TOR1AIP2: variants seen among roughly 807,000 people sequenced by gnomAD.
TOR1AIP2 encodes torsin 1A interacting protein 2, also known as torsin-1A-interacting protein 2.
In TOR1AIP2, 20 loss-of-function variants were observed where a neutral mutation model predicts 32.6. The ratio of observed to expected loss-of-function variants is 0.61; its 90% CI spans 0.43 to 0.89. The LOEUF (loss-of-function observed/expected upper bound fraction) is 0.89, where lower values mean the gene tolerates loss of function less well. Ranked by LOEUF, TOR1AIP2 falls within the 40% of genes least tolerant of loss-of-function variation. TOR1AIP2 has a pLI of 0.00. For synonymous variants in TOR1AIP2, 214 were observed against 210.8 expected (o/e 1.02, Z -0.13); for missense variants, 456 against 553.8 (o/e 0.82, Z 1.77).
Position 179,850,125 on chromosome 1 carries a change from T to TTCTA in TOR1AIP2, c.553+719_553+720insTAGA, listed in dbSNP as rs1558010827. On this transcript the variant is annotated intron_variant, in intron 5 of 6. Transcript: ENST00000609928. ...TCACAGAAGGTGAAAGTTAGAAGAA[T>TTCTA]GTTTGGATATCATCTTGTCCAACTT... is the stretch of plus-strand genomic sequence containing the variant. Among the ~76,000 whole-genome samples, 224 of 152,318 alleles carry TTCTA rather than the reference T, an allele frequency of 1.5e-3. 1 individual carries two copies. Among genetic ancestry groups the TTCTA allele is most frequent in the African/African-American group, 5.3e-3 (220 of 41,560 alleles).
In TOR1AIP2 at chr1:179,852,715, G is replaced by A. The variant is rs1237867927; in HGVS notation, c.-50C>T. 2 of 1,612,920 alleles carry A rather than the reference G, an allele frequency of 1.2e-6. No individual in the cohort carries two copies. Among genetic ancestry groups the A allele is most frequent in the African/African-American group, 2.7e-5 (2 of 74,944 alleles). ...TGGGAGGATACTTTTTTTAGTACTT[G>A]GTTTTCCTTGTGAAGATGTCTTGTT... is the stretch of plus-strand genomic sequence containing the variant. On this transcript the variant is annotated 5_prime_UTR_variant, in exon 4 of 7. Coordinates refer to ENST00000609928, the MANE Select transcript of TOR1AIP2 (RefSeq NM_001199260.2).
At chr1:179,859,492 T>C (rs1696429836) in intron 3 of TOR1AIP2, 1 of 985,444 alleles carries the variant, frequency 1.0e-6, no homozygotes, top group Non-Finnish European at 1.2e-6. Context: ...ACATCTAGGT[T>C]TGAATTGTGA....
At chr1:179,859,519 C>T (rs1009737135) in intron 3 of TOR1AIP2, 32 of 985,272 alleles carry the variant, frequency 3.2e-5, no homozygotes, top group Middle Eastern at 1.0e-3. Flanking sequence ...TACATATGAC[C>T]TGAGTGAATT....
chr1:179,868,776 T>C (rs1220902801), intron 2 of TOR1AIP2: 5 of 152,054 alleles, frequency 3.3e-5, no homozygotes, highest in African/African-American at 9.7e-5. Context: ...AATAAACACA[T>C]GCACACATTC....
At chr1:179,869,301 A>G (rs75574508) in intron 2 of TOR1AIP2, 1 of 151,752 alleles carries the variant, frequency 6.6e-6, no homozygotes, top group African/African-American at 2.4e-5. Context: ...AAAAAAAAAA[A>G]GAAGTATTAA....
At chr1:179,847,393 T>C (rs1285435377) in intron 6 of TOR1AIP2, 142 bp downstream of exon 6, 20 of 686,876 alleles carry the variant, frequency 2.9e-5, no homozygotes, top group Non-Finnish European at 4.9e-5. Flanking sequence ...TGTACTATTT[T>C]ACTATGTCTC....
chr1:179,840,833 T>C lies in TOR1AIP2; in HGVS notation c.*5238A>G, dbSNP rs1254570078. On this transcript the variant is annotated 3_prime_UTR_variant, in exon 7 of 7. Transcript: ENST00000609928. ...GGGTGCAGCAAACCACCATGGCACG[T>C]GTATACCTATGTTAACAAACCTGCA... The C allele has an allele frequency of 6.6e-6, 1 of 151,616 alleles. No individual in the cohort carries two copies. Among genetic ancestry groups the C allele is most frequent in the Non-Finnish European group, 1.5e-5 (1 of 67,972 alleles). 9.4% of individuals were successfully genotyped at this position (151,616 alleles called of 1,614,324 possible).
intron 2 of TOR1AIP2, chr1:179,869,203 G>A (rs1286287850): frequency 2.0e-5 from 3 of 148,226 alleles, no homozygotes; most frequent in Non-Finnish European, 3.0e-5. Context: ...CTCGAACTCC[G>A]AACCTCAGGT....
rs1042434419 is a variant in TOR1AIP2 at position 179,853,946 on chromosome 1, G to A, written c.-146-1135C>T. Among the ~76,000 whole-genome samples, 13 of 152,046 alleles carry A rather than the reference G, an allele frequency of 8.6e-5. 1 individual carries two copies. ...TTATCTTCTTCAAGCTCCTGGGATTGGGCTTTCAAGCCATCATATGTTGGA... is the reference window on the plus strand; with the variant it reads ...TTATCTTCTTCAAGCTCCTGGGATTAGGCTTTCAAGCCATCATATGTTGGA... On this transcript the variant is annotated intron_variant, in intron 3 of 6. Transcript: ENST00000609928.
intron 3 of TOR1AIP2, chr1:179,864,222 A>C (rs574942929): frequency 1.5e-4 from 152 of 985,500 alleles, no homozygotes; most frequent in Non-Finnish European, 1.7e-4. Flanking sequence ...AGGATGGGCC[A>C]AACAGGGCCA....
Position 179,844,150 on chromosome 1 carries a change from A to AAT in TOR1AIP2, c.*1919_*1920dup, listed in dbSNP as rs1455682994. 1 of 152,182 alleles carries AAT rather than the reference A, an allele frequency of 6.6e-6. No homozygotes were observed. The highest frequency in any genetic ancestry group is 1.5e-5 in the Non-Finnish European group (1 of 68,034). 9.4% of individuals were successfully genotyped at this position (152,182 alleles called of 1,614,324 possible). On this transcript the variant is annotated 3_prime_UTR_variant, in exon 7 of 7. Transcript: ENST00000609928. ...ATCTAAGATCTAAAAAGACAGAAAA[A>AAT]ATGTGCATATGGGATACAGATTTTC...
At chr1:179,867,915 CA>C (rs1696851754) in intron 2 of TOR1AIP2, 1 of 152,236 alleles carries the variant, frequency 6.6e-6, no homozygotes, top group African/African-American at 2.4e-5. Flanking sequence ...CAAGAGCCAC[CA>C]GGGGGCCCCA....
chr1:179,852,496 T>TA, intron 4 of TOR1AIP2, 136 bp downstream of exon 4: 1 of 804,396 alleles, frequency 1.2e-6, no homozygotes, highest in Non-Finnish European at 2.1e-6. Context: ...AGAATAAGTA[T>TA]AATCAAAACA....
At chr1:179,863,723 AAAG>A (rs1696651420) in intron 3 of TOR1AIP2, 2 of 985,040 alleles carry the variant, frequency 2.0e-6, no homozygotes, top group Non-Finnish European at 2.4e-6. Context: ...GGAAGGACAC[AAAG>A]AAGCTGGGAC....
intron 2 of TOR1AIP2, among the ~76,000 whole-genome samples, chr1:179,866,690 C>A (rs967271581): frequency 6.6e-6 from 1 of 152,198 alleles, no homozygotes; most frequent in Non-Finnish European, 1.5e-5. Context: ...CAGGAGTGAG[C>A]CACCGTGCCC....
At chr1:179,847,414 A>G (rs1695951199) in intron 6 of TOR1AIP2, 121 bp downstream of exon 6, 1 of 733,688 alleles carries the variant, frequency 1.4e-6, no homozygotes, top group African/African-American at 1.8e-5. Flanking sequence ...ACTACCAATC[A>G]TTAAATAAGT....
chr1:179,856,039 C>T (rs2148435181), intron 3 of TOR1AIP2, among the ~76,000 whole-genome samples: 1 of 152,016 alleles, frequency 6.6e-6, no homozygotes, highest in Middle Eastern at 3.4e-3. Flanking sequence ...AAAAACTAGC[C>T]AGGCGTGGTG....
intron 3 of TOR1AIP2, chr1:179,859,888 T>C (rs533702324): frequency 4.3e-6 from 4 of 933,842 alleles, no homozygotes; most frequent in Non-Finnish European, 3.8e-6. Flanking sequence ...AGGGCAGTAG[T>C]ACCATCATAG....
intron 3 of TOR1AIP2, chr1:179,858,989 T>C: frequency 5.2e-6 from 5 of 966,196 alleles, no homozygotes; most frequent in Middle Eastern, 5.3e-4. Context: ...GATGGTAGTT[T>C]AGATATAAAT....
Sources: allele counts gnomAD v4.1 joint callset (sites outside exome capture counted in the v4.1 genomes callset), GRCh38; gene constraint gnomAD v4.1.1; transcripts MANE v1.5; gene names NCBI Gene and HGNC (gene_info 2026-07-23, HGNC 2026-07-21).